The following PDE6H variants were observed in gnomAD, a reference collection of about 807,000 sequenced individuals.
PDE6H encodes phosphodiesterase 6H.
Under a neutral mutation model 9.2 loss-of-function variants are expected in PDE6H, and 11 were observed. That is an observed-to-expected ratio of 1.19 (90% CI 0.75 to 1.97). The LOEUF is 1.97. Among genes scored for constraint, PDE6H ranks in the 30% most tolerant of loss-of-function variants. The probability of loss-of-function intolerance (pLI) is 0.00; values close to 1 mark genes in which losing one functional copy is unlikely to be tolerated. For synonymous variants in PDE6H, 36 were observed against 33.6 expected (o/e 1.07, Z -0.25); for missense variants, 98 against 101.5 (o/e 0.97, Z 0.15).
rs199740819 is a variant in PDE6H at position 14,981,456 on chromosome 12, G to A, written c.232G>A (p.Ala78Thr). ...CAGCCACCTGGAATTGCATGAGCTC[G>A]CTCAGTTTGGGATTATCTGAAGTGC... ...AFSHLELHEL[A>T]QFGII The change falls in exon 4 of 4, where the codon GCT becomes ACT. Residue 78 changes from alanine (A) to threonine (T), a missense_variant. Coordinates refer to ENST00000266395, the MANE Select transcript of PDE6H (RefSeq NM_006205.3). 3.8e-5 allele frequency: 61 copies of A among 1,612,314 alleles called. No homozygotes were observed. The highest frequency in any genetic ancestry group is 8.3e-5 in the Admixed American group (5 of 60,002).
intron 3 of PDE6H, 80 bp downstream of exon 3, chr12:14,979,299 T>C: frequency 1.1e-6 from 1 of 896,528 alleles, no homozygotes; most frequent in Non-Finnish European, 1.9e-6. Flanking sequence ...CAAGGGGCAG[T>C]TGAAAGTTAT....
rs1045617477 is a variant in PDE6H at position 14,981,596 on chromosome 12, G to A, written c.*120G>A. ...GGAAGTGGTTTCTTTGACTTTCAAG[G>A]TCATTCCCTATCAGTTACTACTAAG... On this transcript the variant is annotated 3_prime_UTR_variant, in exon 4 of 4. Transcript: ENST00000266395. The A allele has an allele frequency of 5.4e-6, 4 of 735,940 alleles. No homozygotes were observed. Among genetic ancestry groups the A allele is most frequent in the Non-Finnish European group, 9.9e-6 (4 of 405,184 alleles). 45.6% of individuals were successfully genotyped at this position (735,940 alleles called of 1,614,324 possible).
intron 1 of PDE6H, 128 bp from the exon 2 acceptor site, chr12:14,977,844 T>A: frequency 1.6e-6 from 1 of 637,902 alleles, no homozygotes. Context: ...TCTCCCCTTT[T>A]GTGTCAACAC....
At chr12:14,979,130 ATTCT>A (rs1259664129) in intron 2 of PDE6H, 45 bp from the exon 3 acceptor site, 1 of 1,333,494 alleles carries the variant, frequency 7.5e-7, no homozygotes, top group African/African-American at 1.4e-5. Context: ...TGACTCCAAA[ATTCT>A]TTTGCTCTAA....
At chr12:14,977,063 G>A (rs954719380) in intron 1 of PDE6H, among the ~76,000 whole-genome samples, 4 of 152,232 alleles carry the variant, frequency 2.6e-5, no homozygotes, top group African/African-American at 4.8e-5. Context: ...ATAGAAGAAG[G>A]CATTGAAGAT....
At chr12:14,976,128 T>TA (rs1864592012) in intron 1 of PDE6H, among the ~76,000 whole-genome samples, 1 of 152,130 alleles carries the variant, frequency 6.6e-6, no homozygotes, top group Non-Finnish European at 1.5e-5. Context: ...CCTGTTCAAT[T>TA]TCTAAATTAA....
chr12:14,979,896 C>T (rs1356727285), intron 3 of PDE6H, among the ~76,000 whole-genome samples: 1 of 152,172 alleles, frequency 6.6e-6, no homozygotes, highest in Non-Finnish European at 1.5e-5. Context: ...CCATCTCTCT[C>T]CCCTTTTACA....
rs897394031 is a variant in PDE6H, at chr12:14,981,491, T to C, written c.*15T>C. On this transcript the variant is annotated 3_prime_UTR_variant, in exon 4 of 4. Transcript: ENST00000266395. The stretch of plus-strand genomic sequence containing the variant: ...GGATTATCTGAAGTGCCAGAGGTTC[T>C]GCCACTCTCAATGACATCTGCTGTA... 2.5e-6 allele frequency: 4 copies of C among 1,595,838 alleles called. No homozygotes were observed. Among genetic ancestry groups the C allele is most frequent in the Non-Finnish European group, 2.6e-6 (3 of 1,163,278 alleles).
chr12:14,980,922 T>C (rs1312313474), intron 3 of PDE6H, among the ~76,000 whole-genome samples: 1 of 152,224 alleles, frequency 6.6e-6, no homozygotes. Flanking sequence ...TCTCAATATG[T>C]GATTGGATAT....
At chr12:14,979,795 AT>A (rs1358283680) in intron 3 of PDE6H, among the ~76,000 whole-genome samples, 3 of 152,246 alleles carry the variant, frequency 2.0e-5, no homozygotes, top group Non-Finnish European at 2.9e-5. Context: ...ATCACTGCAT[AT>A]TTTTTAAATT....
At chr12:14,976,497 G>C (rs1426183065) in intron 1 of PDE6H, among the ~76,000 whole-genome samples, 3 of 152,086 alleles carry the variant, frequency 2.0e-5, no homozygotes, top group Non-Finnish European at 4.4e-5. Flanking sequence ...TTGTTAGCAC[G>C]AGCCAAAGAC....
At chr12:14,973,242 G>C (rs950013979) in intron 1 of PDE6H, among the ~76,000 whole-genome samples, 156 bp downstream of exon 1, 1 of 152,114 alleles carries the variant, frequency 6.6e-6, no homozygotes, top group African/African-American at 2.4e-5. Context: ...ACATGAAGGA[G>C]ATACATGCAG....
chr12:14,981,646 C>A lies in PDE6H; in HGVS notation c.*170C>A. 1 of 672,500 alleles carries A rather than the reference C, an allele frequency of 1.5e-6. No individual in the cohort carries two copies. Among genetic ancestry groups the A allele is most frequent in the Non-Finnish European group, 2.7e-6 (1 of 368,606 alleles). 41.7% of individuals were successfully genotyped at this position (672,500 alleles called of 1,614,324 possible). A position where few individuals can be genotyped will look rare whatever the true frequency, so the allele number is the denominator to read the frequency against. ...GAGTTCTCTTACTGTCAGAATCTCT[C>A]TTGCAGTACAGCTCAAAATAGTGGA... On this transcript the variant is annotated 3_prime_UTR_variant, in exon 4 of 4. Coordinates refer to ENST00000266395, the MANE Select transcript of PDE6H (RefSeq NM_006205.3).
chr12:14,979,495 T>C (rs1042278793), intron 3 of PDE6H, among the ~76,000 whole-genome samples: 10 of 152,234 alleles, frequency 6.6e-5, no homozygotes, highest in Admixed American at 2.0e-4. Context: ...AATTATAGAC[T>C]TTTATGGTAG....
chr12:14,975,753 A>G (rs1864582781), intron 1 of PDE6H, among the ~76,000 whole-genome samples: 2 of 151,998 alleles, frequency 1.3e-5, no homozygotes, highest in South Asian at 4.1e-4. Context: ...GCTCTGATGG[A>G]GAAGTCAAAG....
At chr12:14,980,150 TAAAC>T (rs2120832031) in intron 3 of PDE6H, among the ~76,000 whole-genome samples, 1 of 152,340 alleles carries the variant, frequency 6.6e-6, no homozygotes, top group South Asian at 2.1e-4. Flanking sequence ...TCTCTCTCTC[TAAAC>T]CCCAGACATC....
At chr12:14,980,373 A>G (rs1346430997) in intron 3 of PDE6H, among the ~76,000 whole-genome samples, 1 of 152,226 alleles carries the variant, frequency 6.6e-6, no homozygotes, top group Non-Finnish European at 1.5e-5. Context: ...TTTTTATCCT[A>G]TTGAAAGATA....
chr12:14,976,450 T>A (rs1011979311), intron 1 of PDE6H, among the ~76,000 whole-genome samples: 15 of 151,518 alleles, frequency 9.9e-5, no homozygotes, highest in Admixed American at 7.9e-4. Flanking sequence ...GAATATGAGG[T>A]TTCAGGAATA....
At chr12:14,976,340 A>G (rs980719665) in intron 1 of PDE6H, among the ~76,000 whole-genome samples, 1 of 152,210 alleles carries the variant, frequency 6.6e-6, no homozygotes, top group Admixed American at 6.5e-5. Flanking sequence ...TAATTTAGTA[A>G]TAATCAGAAT....
Sources: allele counts gnomAD v4.1 joint callset (sites outside exome capture counted in the v4.1 genomes callset), GRCh38; gene constraint gnomAD v4.1.1; transcripts MANE v1.5; gene names NCBI Gene and HGNC (gene_info 2026-07-23, HGNC 2026-07-21).